Variants in FREM2 observed in about 807,000 individuals in gnomAD.
The protein encoded by FREM2 is FRAS1 related extracellular matrix 2, also known as FRAS1-related extracellular matrix protein 2.
Under a neutral mutation model 219.9 loss-of-function variants are expected in FREM2, and 119 were observed. The observed-to-expected ratio is 0.54, with a 90% CI of 0.47 to 0.63. FREM2 has a LOEUF of 0.63. FREM2 is among the 30% of genes least tolerant of loss of function. FREM2 has a pLI of 0.00. For synonymous variants in FREM2, 1,562 were observed against 1,522.8 expected (o/e 1.03, Z -0.60); for missense variants, 4,030 against 3,993.6 (o/e 1.01, Z -0.25).
chr13:38,849,966 C>A, intron 8 of FREM2, 72 bp from the exon 9 acceptor site: 1 of 1,233,806 alleles, frequency 8.1e-7, no homozygotes. Flanking sequence ...ATTCTTTCCA[C>A]TAAATCACAT....
chr13:38,734,406 T>A (rs2137771526), intron 2 of FREM2, among the ~76,000 whole-genome samples: 1 of 152,280 alleles, frequency 6.6e-6, no homozygotes, highest in South Asian at 2.1e-4. Flanking sequence ...AAATACTTTA[T>A]ATATAACTAG....
chr13:38,688,713 C>G lies in FREM2; in HGVS notation c.1369C>G (p.Leu457Val), dbSNP rs141900626. 224 of 1,614,046 alleles carry G rather than the reference C, an allele frequency of 1.4e-4. No homozygotes were observed. The Middle Eastern group carries it at 1.5e-3, about 11-fold the overall frequency. The change falls in exon 1 of 24, where the codon CTC becomes GTC. Residue 457 changes from leucine (L) to valine (V), a missense_variant. By Grantham distance (32) the Leu-to-Val change is conservative. This residue lies in a region of FREM2 where 3,102 missense variants were observed against 2,950.7 expected (regional missense o/e 1.05). Coordinates refer to ENST00000280481, the MANE Select transcript of FREM2 (RefSeq NM_207361.6). ...TCTCTATGAGGGTCAGTCTCGGCCC[C>G]TCACAGGCCCTGCAGGCAGTGGTCC... ...LILYEGQSRPLTGPAGSGPQN... is the reference protein window; with the variant it reads ...LILYEGQSRPVTGPAGSGPQN...
At chr13:38,753,146 T>A (rs1872846143) in intron 2 of FREM2, among the ~76,000 whole-genome samples, 1 of 152,162 alleles carries the variant, frequency 6.6e-6, no homozygotes. Flanking sequence ...AAAGCAGTTA[T>A]TTTTTCTATA....
chr13:38,725,355 G>A (rs11147728), intron 2 of FREM2, among the ~76,000 whole-genome samples: 7,768 of 152,110 alleles, frequency 0.051, 635 homozygotes, highest in African/African-American at 0.17. Flanking sequence ...TGTCAGCCAT[G>A]ATGAGTGGTT....
At chr13:38,861,639 A>C in intron 15 of FREM2, 77 bp downstream of exon 15, 1 of 1,507,782 alleles carries the variant, frequency 6.6e-7, no homozygotes, top group Non-Finnish European at 9.2e-7. Context: ...TTCATCTTCT[A>C]AATAACCAAG....
chr13:38,862,479 A>G (rs563795758), intron 15 of FREM2, among the ~76,000 whole-genome samples: 44 of 152,324 alleles, frequency 2.9e-4, no homozygotes, highest in Middle Eastern at 6.8e-3. Flanking sequence ...TATTTCCTAA[A>G]AGAAAGAGTG....
rs73459848 is a variant in FREM2, at chr13:38,714,077, G to A, written c.5263+16290G>A. Reference sequence around the variant, plus strand: ...ATAACCCAACCAGCTTTGAGTTGTTGGCATTGTGATTCTAGTGATAAACTG... The same window carrying A: ...ATAACCCAACCAGCTTTGAGTTGTTAGCATTGTGATTCTAGTGATAAACTG... On this transcript the variant is annotated intron_variant, in intron 2 of 23. Transcript: ENST00000280481. Among the ~76,000 whole-genome samples, 1,334 of 152,310 alleles carry A rather than the reference G, an allele frequency of 8.8e-3. 33 individuals carry two copies. Among genetic ancestry groups the A allele is most frequent in the African/African-American group, 0.03 (1,263 of 41,556 alleles).
chr13:38,838,880 A>T (rs184128578), intron 6 of FREM2, among the ~76,000 whole-genome samples: 5 of 152,034 alleles, frequency 3.3e-5, no homozygotes, highest in African/African-American at 1.2e-4. Flanking sequence ...CAAGGTTCTC[A>T]GCTTCCTTGC....
chr13:38,802,766 G>A (rs754419111), intron 6 of FREM2, among the ~76,000 whole-genome samples: 1 of 152,196 alleles, frequency 6.6e-6, no homozygotes, highest in Non-Finnish European at 1.5e-5. Flanking sequence ...CCTCTCTAGA[G>A]CAATGCCTCT....
intron 4 of FREM2, among the ~76,000 whole-genome samples, chr13:38,780,195 T>G (rs1412170757): frequency 1.3e-5 from 2 of 152,220 alleles, no homozygotes; most frequent in Non-Finnish European, 2.9e-5. Context: ...TTAATATGTT[T>G]AAAATGGAAC....
intron 16 of FREM2, among the ~76,000 whole-genome samples, chr13:38,871,034 T>G (rs540916385): frequency 6.6e-6 from 1 of 152,252 alleles, no homozygotes; most frequent in African/African-American, 2.4e-5. Flanking sequence ...TCCCTGCACT[T>G]CAAAATCAAT....
chr13:38,769,513 C>A, intron 3 of FREM2, 65 bp from the exon 4 acceptor site: 8 of 1,410,510 alleles, frequency 5.7e-6, no homozygotes, highest in Non-Finnish European at 6.9e-6. Context: ...AAAAAGTTAA[C>A]AAGGAAAATC....
intron 14 of FREM2, among the ~76,000 whole-genome samples, chr13:38,861,164 A>G (rs1399084122): frequency 2.0e-5 from 3 of 152,244 alleles, no homozygotes; most frequent in Non-Finnish European, 4.4e-5. Context: ...ACCAGCACAC[A>G]TTAAGTTACA....
Position 38,789,500 on chromosome 13 carries a change from GT to G in FREM2, c.6019+4695del, listed in dbSNP as rs576414875. ...TCTCTTTCAATTTATCTTTCCAGAA[GT>G]TTGTATATTTTATTCAAGTTTTTTT... On this transcript the variant is annotated intron_variant, in intron 6 of 23. Coordinates refer to ENST00000280481, the MANE Select transcript of FREM2 (RefSeq NM_207361.6). Among the ~76,000 whole-genome samples the G allele has an allele frequency of 2.7e-3, 394 of 147,930 alleles. 2 individuals are homozygous for G. Among genetic ancestry groups the G allele is most frequent in the Non-Finnish European group, 4.2e-3 (283 of 67,008 alleles).
intron 6 of FREM2, among the ~76,000 whole-genome samples, chr13:38,824,474 A>C (rs985297426): frequency 3.3e-5 from 5 of 152,140 alleles, no homozygotes; most frequent in Non-Finnish European, 5.9e-5. Context: ...GAGGTCAGCC[A>C]CACCATGTAG....
At chr13:38,820,741 A>G (rs1302436453) in intron 6 of FREM2, among the ~76,000 whole-genome samples, 3 of 152,126 alleles carry the variant, frequency 2.0e-5, no homozygotes, top group African/African-American at 4.8e-5. Flanking sequence ...AAAGCCAAAC[A>G]TGGCAACTTG....
chr13:38,732,010 G>A (rs914029827), intron 2 of FREM2, among the ~76,000 whole-genome samples: 53 of 152,298 alleles, frequency 3.5e-4, no homozygotes, highest in African/African-American at 1.2e-3. Context: ...GCTTGGAAAT[G>A]AATATCCATA....
chr13:38,693,264 A>G (rs12583750), intron 1 of FREM2, among the ~76,000 whole-genome samples: 1 of 152,256 alleles, frequency 6.6e-6, no homozygotes, highest in East Asian at 1.9e-4. Context: ...CTAATTCATT[A>G]TTAAGAGCAT....
chr13:38,834,208 C>T (rs941916180), intron 6 of FREM2, among the ~76,000 whole-genome samples: 2 of 151,832 alleles, frequency 1.3e-5, no homozygotes, highest in African/African-American at 4.8e-5. Flanking sequence ...GTGATGTTCC[C>T]CTCCCTGTGC....
Sources: gnomAD v4.1 joint callset for allele counts (sites outside exome capture counted in the v4.1 genomes callset) on GRCh38, gnomAD v4.1.1 for gene constraint, gnomAD v4.1.1 regional missense constraint, MANE v1.5 for transcripts, NCBI Gene and HGNC (gene_info 2026-07-23, HGNC 2026-07-21) for gene names.